Variants in CHST15 observed in about 807,000 individuals in gnomAD.
The protein encoded by CHST15 is B cell RAG associated protein (GALNAC4S-6ST).
CHST15 carries 30 observed loss-of-function variants against 53.6 expected under a neutral mutation model. That is an observed-to-expected ratio of 0.56 (90% CI 0.42 to 0.76). The LOEUF is 0.76. Among genes scored for constraint, CHST15 ranks in the 30% least tolerant of loss-of-function variants. The pLI, the probability that CHST15 is intolerant of heterozygous loss-of-function variation, is 0.00. For missense variants in CHST15, 627 were observed against 740.5 expected, an observed-to-expected ratio of 0.85 and a Z score of 1.78; for synonymous variants, 296 against 289.8, an observed-to-expected ratio of 1.02 and a Z score of -0.22.
chr10:124,046,444 T>C lies in CHST15; in HGVS notation c.-232A>G, dbSNP rs1283146471. On this transcript the variant is annotated 5_prime_UTR_variant, in exon 2 of 8. It removes an upstream start codon present in the reference 5' UTR. Coordinates refer to ENST00000435907, the MANE Select transcript of CHST15 (RefSeq NM_001270764.2). ...AAAAGGAAGTGATGTCCCAGAGTCA[T>C]GTTCTACAAGAGCCGCTGCAACCTC... The C allele has an allele frequency of 6.3e-6, 3 of 476,366 alleles. No individual in the cohort carries two copies. Among genetic ancestry groups the C allele is most frequent in the Admixed American group, 3.9e-5 (1 of 25,338 alleles). The allele number at this position is 476,366 out of a possible 1,614,324, so 29.5% of individuals were successfully genotyped here. A position where few individuals can be genotyped will look rare whatever the true frequency, so the allele number is the denominator to read the frequency against.
At chr10:124,064,522 G>A (rs1409010321) in intron 1 of CHST15, among the ~76,000 whole-genome samples, 3 of 152,252 alleles carry the variant, frequency 2.0e-5, no homozygotes, top group African/African-American at 7.2e-5. Flanking sequence ...CGGCCCGGGA[G>A]ACACCACGAG....
intron 1 of CHST15, among the ~76,000 whole-genome samples, chr10:124,057,325 G>A (rs1419634554): frequency 1.3e-5 from 2 of 152,204 alleles, no homozygotes; most frequent in Non-Finnish European, 2.9e-5. Context: ...TTGACTAGCC[G>A]GCGCAGCGCT....
chr10:124,044,373 C>T (rs1947876577), intron 3 of CHST15, among the ~76,000 whole-genome samples: 1 of 152,242 alleles, frequency 6.6e-6, no homozygotes, highest in African/African-American at 2.4e-5. Flanking sequence ...CCGTGTCCTG[C>T]ACACAGCTGG....
At chr10:124,032,922 T>TATAGAAGTAA (rs11283114) in intron 5 of CHST15, among the ~76,000 whole-genome samples, 106,308 of 151,846 alleles carry the variant, frequency 0.7, 38,374 homozygotes, top group East Asian at 0.92. Context: ...TTGGATCAAT[T>TATAGAAGTAA]AGGCTGAATG....
intron 2 of CHST15, 78 bp from the exon 3 acceptor site, chr10:124,044,997 G>C (rs1479434690): frequency 1.1e-6 from 1 of 933,574 alleles, no homozygotes; most frequent in Non-Finnish European, 1.5e-6. Flanking sequence ...ATGGGAACCT[G>C]CCCTGAGACT....
intron 1 of CHST15, among the ~76,000 whole-genome samples, chr10:124,047,270 CAA>C (rs1400150334): frequency 1.3e-5 from 2 of 152,110 alleles, no homozygotes; most frequent in Non-Finnish European, 2.9e-5. Context: ...GATTAGGAAG[CAA>C]AAGTTAATGA....
intron 1 of CHST15, among the ~76,000 whole-genome samples, chr10:124,052,485 C>T (rs981256258): frequency 1.3e-5 from 2 of 152,174 alleles, no homozygotes; most frequent in South Asian, 2.1e-4. Flanking sequence ...GTCCACCCAG[C>T]GGCCTTGGAC....
Position 124,009,314 on chromosome 10 carries a change from T to C in CHST15, c.*835A>G, listed in dbSNP as rs1003055968. On this transcript the variant is annotated 3_prime_UTR_variant, in exon 8 of 8. Transcript: ENST00000435907. The stretch of plus-strand genomic sequence containing the variant: ...AAACTGAAGTTCTTGAGAAAACGTA[T>C]GAAGAGGCAGCAGAGAGAGAGCCAG... The C allele has an allele frequency of 1.8e-6, 2 of 1,087,130 alleles. No individual in the cohort carries two copies. The highest frequency in any genetic ancestry group is 1.7e-5 in the African/African-American group (1 of 60,394). 67.3% of individuals were successfully genotyped at this position (1,087,130 alleles called of 1,614,324 possible).
chr10:124,029,600 C>T (rs1454935932), intron 5 of CHST15, among the ~76,000 whole-genome samples: 3 of 152,190 alleles, frequency 2.0e-5, no homozygotes, highest in South Asian at 2.1e-4. Flanking sequence ...CCGAGCCTGG[C>T]GTGGTTTACA....
intron 4 of CHST15, among the ~76,000 whole-genome samples, chr10:124,039,155 AAT>A (rs1479126966): frequency 6.6e-6 from 1 of 152,202 alleles, no homozygotes. Context: ...ATAGTATTCC[AAT>A]ATATGTTCTA....
intron 1 of CHST15, among the ~76,000 whole-genome samples, chr10:124,052,773 T>A (rs1163899841): frequency 1.3e-5 from 2 of 152,196 alleles, no homozygotes; most frequent in African/African-American, 4.8e-5. Context: ...CGGTGGCTCA[T>A]GCCTGTAATC....
intron 1 of CHST15, among the ~76,000 whole-genome samples, chr10:124,062,755 T>C (rs1406054330): frequency 6.6e-6 from 1 of 151,970 alleles, no homozygotes; most frequent in Non-Finnish European, 1.5e-5. Context: ...TTAAAAAGGA[T>C]GAAGGGAGCC....
At position 124,036,949 on chromosome 10, in the gene CHST15, G is replaced by C. The variant is rs1247492188; in HGVS notation, c.1190+1566C>G. 6.6e-6 allele frequency among the ~76,000 whole-genome samples: 1 copy of C among 152,178 alleles called. No individual in the cohort carries two copies. Among genetic ancestry groups the C allele is most frequent in the Non-Finnish European group, 1.5e-5 (1 of 68,040 alleles). On this transcript the variant is annotated intron_variant, in intron 5 of 7. Transcript: ENST00000435907. The surrounding 1 kb of genome is among the most constrained non-coding windows in gnomAD (Gnocchi z 5.1). The stretch of plus-strand genomic sequence containing the variant: ...GTAATGACAGGACTTTCTTCCCTCA[G>C]TGTCCTGGAAGCTGGAGTCTGAAAC...
chr10:124,021,026 G>A, intron 6 of CHST15: 1 of 1,430,726 alleles, frequency 7.0e-7, no homozygotes. Flanking sequence ...TGAGGGAGGA[G>A]GGGGAGGTGG....
At chr10:124,083,071 A>C (rs1949303818) in intron 1 of CHST15, among the ~76,000 whole-genome samples, 1 of 152,232 alleles carries the variant, frequency 6.6e-6, no homozygotes, top group Non-Finnish European at 1.5e-5. Flanking sequence ...ACTTTGGGTG[A>C]ATTTTATGGT....
At chr10:124,029,522 C>T (rs189622593) in intron 5 of CHST15, among the ~76,000 whole-genome samples, 1 of 152,190 alleles carries the variant, frequency 6.6e-6, no homozygotes, top group Admixed American at 6.5e-5. Flanking sequence ...AATCACAGGG[C>T]CCCGGTAACT....
intron 1 of CHST15, among the ~76,000 whole-genome samples, chr10:124,061,496 G>A (rs1196716075): frequency 3.3e-5 from 5 of 152,272 alleles, no homozygotes; most frequent in African/African-American, 1.2e-4. Context: ...ATTCTTCCCA[G>A]TCTTGGGCAC....
chr10:124,074,759 T>C lies in CHST15; in HGVS notation c.-513+18710A>G, dbSNP rs1949021000. 6.6e-6 allele frequency among the ~76,000 whole-genome samples: 1 copy of C among 152,188 alleles called. No individual in the cohort carries two copies. The highest frequency in any genetic ancestry group is 6.5e-5 in the Admixed American group (1 of 15,288). On this transcript the variant is annotated intron_variant, in intron 1 of 7. Transcript: ENST00000435907. The surrounding 1 kb of genome is among the most constrained non-coding windows in gnomAD (Gnocchi z 4.4). ...AATTAAATGATCCTTTGCCTAAGTG[T>C]TTCCACCTCATTCACCTCCTAGACT...
intron 5 of CHST15, among the ~76,000 whole-genome samples, chr10:124,025,288 G>A (rs544830687): frequency 1.3e-5 from 2 of 152,172 alleles, no homozygotes; most frequent in South Asian, 2.1e-4. Flanking sequence ...CAGGTGAAAC[G>A]GCTGATTTTC....
Sources: allele counts gnomAD v4.1 joint callset (sites outside exome capture counted in the v4.1 genomes callset), GRCh38; gene constraint gnomAD v4.1.1; non-coding constraint Gnocchi (gnomAD v3.1); transcripts MANE v1.5; gene names NCBI Gene and HGNC (gene_info 2026-07-23, HGNC 2026-07-21).